SRGAP3: variants seen among roughly 807,000 people sequenced by gnomAD.
The protein encoded by SRGAP3 is SLIT-ROBO Rho GTPase activating protein 3.
In SRGAP3, 39 loss-of-function variants were observed where a neutral mutation model predicts 121.1. The observed-to-expected ratio is 0.32, with a 90% CI of 0.25 to 0.42. SRGAP3 has a LOEUF of 0.42. Among genes scored for constraint, SRGAP3 ranks in the 10% least tolerant of loss-of-function variants. SRGAP3 has a pLI of 1.00. For missense variants in SRGAP3, 1,213 were observed against 1,470.6 expected (o/e 0.82, Z 2.86); for synonymous variants, 601 against 570.0 (o/e 1.05, Z -0.77).
chr3:9,018,880 C>A (rs189734992), intron 14 of SRGAP3, among the ~76,000 whole-genome samples: 14 of 152,118 alleles, frequency 9.2e-5, no homozygotes, highest in African/African-American at 3.4e-4. Flanking sequence ...CATTTTCATT[C>A]GTTTCTGGTT....
At chr3:9,238,671 T>A (rs1953508131) in intron 1 of SRGAP3, among the ~76,000 whole-genome samples, 1 of 151,854 alleles carries the variant, frequency 6.6e-6, no homozygotes, top group South Asian at 2.1e-4. Context: ...ATTCACAGAA[T>A]CTAAGAGTGG....
chr3:9,046,011 C>T (rs1007410766), intron 10 of SRGAP3, among the ~76,000 whole-genome samples: 1 of 152,146 alleles, frequency 6.6e-6, no homozygotes, highest in African/African-American at 2.4e-5. Context: ...CCAAACTCCT[C>T]CACACCCCCT....
chr3:8,982,865 A>G lies in SRGAP3; in HGVS notation c.*2654T>C, dbSNP rs965610856. 3.9e-5 allele frequency: 9 copies of G among 228,448 alleles called. No individual in the cohort carries two copies. The highest frequency in any genetic ancestry group is 6.1e-5 in the Non-Finnish European group (7 of 115,258). 14.2% of individuals were successfully genotyped at this position (228,448 alleles called of 1,614,324 possible). On this transcript the variant is annotated 3_prime_UTR_variant, in exon 22 of 22. Transcript: ENST00000383836. ...GGAAAAAAAAAAAAAAGGTGCTTAA[A>G]GAAAACAGCTAAGACTCTGCCCTCA... is the stretch of plus-strand genomic sequence containing the variant.
chr3:9,240,146 T>A (rs1028634568), intron 1 of SRGAP3, among the ~76,000 whole-genome samples: 1 of 152,138 alleles, frequency 6.6e-6, no homozygotes, highest in Admixed American at 6.5e-5. Context: ...AACACCTCTT[T>A]ACAACCAATT....
chr3:9,070,818 A>G (rs1360436783), intron 4 of SRGAP3, among the ~76,000 whole-genome samples: 1 of 152,210 alleles, frequency 6.6e-6, no homozygotes, highest in African/African-American at 2.4e-5. Context: ...ATGCTAGGCA[A>G]TACTACAGTG....
At chr3:9,067,407 C>G (rs972576346) in intron 4 of SRGAP3, among the ~76,000 whole-genome samples, 1 of 151,984 alleles carries the variant, frequency 6.6e-6, no homozygotes, top group Non-Finnish European at 1.5e-5. Context: ...TCCATTTTTG[C>G]TCATTTGCGA....
At chr3:9,157,704 TG>T (rs999473574) in intron 1 of SRGAP3, among the ~76,000 whole-genome samples, 1 of 152,182 alleles carries the variant, frequency 6.6e-6, no homozygotes, top group Non-Finnish European at 1.5e-5. Context: ...TAAATTATGC[TG>T]GGGGATACCA....
intron 1 of SRGAP3, among the ~76,000 whole-genome samples, chr3:9,127,115 G>T (rs1437197134): frequency 6.6e-6 from 1 of 151,910 alleles, no homozygotes; most frequent in African/African-American, 2.4e-5. Flanking sequence ...TGAGGCCAGG[G>T]GCTCAAGACC....
chr3:9,280,766 G>A (rs1425209176), intron 3 of SRGAP3, among the ~76,000 whole-genome samples: 2 of 152,096 alleles, frequency 1.3e-5, no homozygotes, highest in Non-Finnish European at 2.9e-5. Flanking sequence ...TCTCCAATCT[G>A]ATTTTCCAAA....
At chr3:9,334,031 G>C (rs1246936811) in intron 1 of SRGAP3, among the ~76,000 whole-genome samples, 2 of 151,586 alleles carry the variant, frequency 1.3e-5, no homozygotes. Flanking sequence ...CTGAGCCTCT[G>C]TTTCCTCATA....
chr3:9,298,266 T>C (rs1954986485), intron 3 of SRGAP3, among the ~76,000 whole-genome samples: 1 of 152,192 alleles, frequency 6.6e-6, no homozygotes, highest in African/African-American at 2.4e-5. Context: ...TCAAGAAATG[T>C]AGGTTAGTAG....
intron 3 of SRGAP3, among the ~76,000 whole-genome samples, chr3:9,317,373 A>C (rs1231615555): frequency 6.6e-6 from 1 of 152,186 alleles, no homozygotes; most frequent in Non-Finnish European, 1.5e-5. Flanking sequence ...AGATTTGGTA[A>C]AGGTTTTTAA....
intron 10 of SRGAP3, among the ~76,000 whole-genome samples, chr3:9,041,973 C>T (rs1945032509): frequency 6.6e-6 from 1 of 151,894 alleles, no homozygotes; most frequent in South Asian, 2.1e-4. Flanking sequence ...TGGTGGCGGA[C>T]ACCTGTAATC....
chr3:9,022,440 C>T (rs1254736747), intron 14 of SRGAP3, among the ~76,000 whole-genome samples: 2 of 152,076 alleles, frequency 1.3e-5, no homozygotes, highest in Non-Finnish European at 2.9e-5. Context: ...GAAGAGTGGG[C>T]GAGAAGAGAA....
At chr3:9,000,583 G>A (rs1942696616) in intron 18 of SRGAP3, among the ~76,000 whole-genome samples, 1 of 152,200 alleles carries the variant, frequency 6.6e-6, no homozygotes, top group South Asian at 2.1e-4. Context: ...CAAGAACAGT[G>A]GAGGTCGTGT....
At chr3:9,148,538 G>T (rs1368063019) in intron 1 of SRGAP3, among the ~76,000 whole-genome samples, 1 of 152,194 alleles carries the variant, frequency 6.6e-6, no homozygotes, top group Non-Finnish European at 1.5e-5. Flanking sequence ...TTGAAACAGG[G>T]TACCCCCATT....
At chr3:9,294,779 C>A (rs1954925745) in intron 3 of SRGAP3, among the ~76,000 whole-genome samples, 2 of 148,678 alleles carry the variant, frequency 1.3e-5, no homozygotes, top group Non-Finnish European at 1.5e-5. Context: ...AGAAACAGCT[C>A]CCCCCACCTG....
rs1045968327 is a variant in SRGAP3, at chr3:9,109,446, G to A, written c.261-4604C>T. Among the ~76,000 whole-genome samples, 2 of 152,196 alleles carry A rather than the reference G, an allele frequency of 1.3e-5. No individual in the cohort carries two copies. Among genetic ancestry groups the A allele is most frequent in the Non-Finnish European group, 2.9e-5 (2 of 68,038 alleles). On this transcript the variant is annotated intron_variant, in intron 2 of 21. Transcript: ENST00000383836. This position sits in a 1 kb window ranked among gnomAD's most constrained non-coding sequence, Gnocchi z 4.4. Reference sequence around the variant, plus strand: ...AGGCAGAGCGAGCCAAGGCAAGGAGGAGGATGTTACCCGAAAGCAGCCAAA... The same window carrying A: ...AGGCAGAGCGAGCCAAGGCAAGGAGAAGGATGTTACCCGAAAGCAGCCAAA...
chr3:9,258,919 A>G (rs1954192509), intron 3 of SRGAP3, among the ~76,000 whole-genome samples: 2 of 152,134 alleles, frequency 1.3e-5, no homozygotes, highest in Admixed American at 1.3e-4. Context: ...TCAGATCATA[A>G]TAATTTCCCG....
Sources: gnomAD v4.1 joint callset for allele counts (sites outside exome capture counted in the v4.1 genomes callset) on GRCh38, gnomAD v4.1.1 for gene constraint, Gnocchi (gnomAD v3.1) non-coding constraint, MANE v1.5 for transcripts, NCBI Gene and HGNC (gene_info 2026-07-23, HGNC 2026-07-21) for gene names.